Variants in PBX3 observed in about 807,000 individuals in gnomAD.
PBX3 encodes PBX homeobox 3, also known as pre-B-cell leukemia transcription factor 3.
A neutral mutation model predicts 48.5 loss-of-function variants in PBX3; 14 were observed. That is an observed-to-expected ratio of 0.29 (90% CI 0.19 to 0.45). The LOEUF is 0.45. PBX3 is among the 20% of genes least tolerant of loss of function. The pLI, the probability that PBX3 is intolerant of heterozygous loss-of-function variation, is 1.00. For missense variants in PBX3, 386 were observed against 546.7 expected (o/e 0.71, Z 2.93); for synonymous variants, 210 against 200.3 (o/e 1.05, Z -0.41).
chr9:125,904,211 C>G (rs1841017037), intron 2 of PBX3, among the ~76,000 whole-genome samples: 1 of 151,814 alleles, frequency 6.6e-6, no homozygotes, highest in South Asian at 2.1e-4. Context: ...TAGAAAAACA[C>G]CTTATTTTTA....
At chr9:125,952,310 G>A (rs959601565) in intron 5 of PBX3, among the ~76,000 whole-genome samples, 2 of 152,160 alleles carry the variant, frequency 1.3e-5, no homozygotes, top group African/African-American at 4.8e-5. Flanking sequence ...TCTCCCTGAC[G>A]CAGTTTATGC....
chr9:125,832,352 C>T (rs1457900742), intron 2 of PBX3, among the ~76,000 whole-genome samples: 5 of 151,960 alleles, frequency 3.3e-5, no homozygotes, highest in African/African-American at 7.2e-5. Context: ...CCCGCCACCA[C>T]GCCTGTCTAA....
chr9:125,764,963 G>T (rs1264333427), intron 2 of PBX3, among the ~76,000 whole-genome samples: 1 of 151,782 alleles, frequency 6.6e-6, no homozygotes, highest in Admixed American at 6.6e-5. Flanking sequence ...GAAGGCTGCA[G>T]AGTCTAGCCA....
intron 2 of PBX3, among the ~76,000 whole-genome samples, chr9:125,900,997 A>G (rs1285528046): frequency 6.6e-6 from 1 of 151,812 alleles, no homozygotes; most frequent in Admixed American, 6.6e-5. Context: ...TCCTCAAATC[A>G]TTTCTAAAAA....
chr9:125,945,943 A>C (rs374800724), intron 5 of PBX3, among the ~76,000 whole-genome samples: 3 of 152,208 alleles, frequency 2.0e-5, no homozygotes, highest in East Asian at 1.9e-4. Context: ...GGGAAACGAC[A>C]TTTCCCTGAT....
chr9:125,799,558 T>G (rs1837879883), intron 2 of PBX3, among the ~76,000 whole-genome samples: 1 of 152,210 alleles, frequency 6.6e-6, no homozygotes, highest in African/African-American at 2.4e-5. Context: ...TGTTGACTAC[T>G]TAAGTGTGAA....
chr9:125,813,219 A>AT (rs201381655), intron 2 of PBX3, among the ~76,000 whole-genome samples: 14 of 151,416 alleles, frequency 9.2e-5, no homozygotes, highest in African/African-American at 1.5e-4. Context: ...GAGCATTCAG[A>AT]TTTTTTTTTA....
intron 2 of PBX3, among the ~76,000 whole-genome samples, chr9:125,884,956 A>G (rs1320107472): frequency 6.6e-6 from 1 of 152,202 alleles, no homozygotes; most frequent in African/African-American, 2.4e-5. Context: ...CATGAGAAAT[A>G]TCTTCATTTG....
intron 2 of PBX3, among the ~76,000 whole-genome samples, chr9:125,857,768 A>G (rs1204376315): frequency 6.6e-6 from 1 of 152,214 alleles, no homozygotes; most frequent in African/African-American, 2.4e-5. Context: ...CCTATTTTCA[A>G]TTACTTAGGA....
In PBX3 at chr9:125,960,866, C is replaced by T. The variant is rs201026171; in HGVS notation, c.1009+17C>T. 10 of 1,607,570 alleles carry T rather than the reference C, an allele frequency of 6.2e-6. No homozygotes were observed. Among genetic ancestry groups the T allele is most frequent in the Admixed American group, 1.7e-5 (1 of 59,818 alleles). ...CAAATTCCGGTGCGTACTGGGGGCT[C>T]GCTCCCCAACTGGCCCAGGCAGCCT... On this transcript the variant is annotated intron_variant, in intron 6 of 8. Coordinates refer to ENST00000373489, the MANE Select transcript of PBX3 (RefSeq NM_006195.6).
chr9:125,873,995 C>T (rs951527391), intron 2 of PBX3, among the ~76,000 whole-genome samples: 4 of 151,936 alleles, frequency 2.6e-5, no homozygotes, highest in African/African-American at 9.7e-5. Flanking sequence ...AGAGAAGAAG[C>T]ACAAATAAAT....
chr9:125,854,313 T>G (rs1839663721), intron 2 of PBX3, among the ~76,000 whole-genome samples: 1 of 151,946 alleles, frequency 6.6e-6, no homozygotes, highest in South Asian at 2.1e-4. Flanking sequence ...TGTGTTTTTT[T>G]TTGTAGAGAC....
At chr9:125,761,388 C>G (rs1836663356) in intron 2 of PBX3, among the ~76,000 whole-genome samples, 3 of 151,954 alleles carry the variant, frequency 2.0e-5, no homozygotes, top group Non-Finnish European at 4.4e-5. Context: ...ATTAAATGCT[C>G]ACTGATTTTT....
chr9:125,812,008 C>T (rs1277334544), intron 2 of PBX3, among the ~76,000 whole-genome samples: 2 of 152,034 alleles, frequency 1.3e-5, no homozygotes, highest in African/African-American at 4.8e-5. Flanking sequence ...TAAAATAGGC[C>T]CAAGGGAACT....
intron 4 of PBX3, among the ~76,000 whole-genome samples, chr9:125,934,274 CA>C: frequency 6.6e-6 from 1 of 152,238 alleles, no homozygotes; most frequent in Middle Eastern, 3.4e-3. Context: ...TGAATGACAC[CA>C]TTTTGACTAG....
intron 2 of PBX3, among the ~76,000 whole-genome samples, chr9:125,761,079 C>T (rs1044666611): frequency 3.9e-5 from 6 of 152,150 alleles, no homozygotes; most frequent in African/African-American, 1.2e-4. Flanking sequence ...AACAATTGAG[C>T]TTTTTATATT....
chr9:125,877,340 G>A (rs1320781794), intron 2 of PBX3, among the ~76,000 whole-genome samples: 2 of 152,046 alleles, frequency 1.3e-5, no homozygotes, highest in African/African-American at 4.8e-5. Flanking sequence ...TACCCCACTT[G>A]TTTTAGACAA....
Position 125,795,635 on chromosome 9 carries a change from A to G in PBX3, c.274+47012A>G, listed in dbSNP as rs188647362. 7.9e-5 allele frequency among the ~76,000 whole-genome samples: 12 copies of G among 152,246 alleles called. No individual in the cohort carries two copies. In the East Asian group the frequency reaches 2.3e-3, roughly 29 times the overall value. ...CCATAAATCAGATTCCACTATTAATATATATTAGCAGAGGGCTTTACCCAG... is the reference window on the plus strand; with the variant it reads ...CCATAAATCAGATTCCACTATTAATGTATATTAGCAGAGGGCTTTACCCAG... On this transcript the variant is annotated intron_variant, in intron 2 of 8. Coordinates refer to ENST00000373489, the MANE Select transcript of PBX3 (RefSeq NM_006195.6).
intron 2 of PBX3, among the ~76,000 whole-genome samples, chr9:125,802,438 G>A (rs553519248): frequency 2.4e-4 from 33 of 139,542 alleles, no homozygotes; most frequent in African/African-American, 8.0e-4. Context: ...CATGGTCATG[G>A]CTCACTGCAG....
Sources: allele counts gnomAD v4.1 joint callset (sites outside exome capture counted in the v4.1 genomes callset), GRCh38; gene constraint gnomAD v4.1.1; transcripts MANE v1.5; gene names NCBI Gene and HGNC (gene_info 2026-07-23, HGNC 2026-07-21).